Variants in PLCG2 observed in about 807,000 individuals in gnomAD.
The protein encoded by PLCG2 is 1-phosphatidylinositol 4,5-bisphosphate phosphodiesterase gamma-2.
A neutral mutation model predicts 175.6 loss-of-function variants in PLCG2; 69 were observed. That is an observed-to-expected ratio of 0.39 (90% CI 0.32 to 0.48). The LOEUF (loss-of-function observed/expected upper bound fraction) is 0.48, where lower values mean the gene tolerates loss of function less well. Among genes scored for constraint, PLCG2 ranks in the 20% least tolerant of loss-of-function variants. The pLI is 0.91. For synonymous variants in PLCG2, 827 were observed against 624.0 expected (o/e 1.33, Z -4.85); for missense variants, 1,798 against 1,650.9 (o/e 1.09, Z -1.54).
intron 2 of PLCG2, among the ~76,000 whole-genome samples, chr16:81,770,716 T>A (rs1242817119): frequency 6.6e-6 from 1 of 152,066 alleles, no homozygotes; most frequent in Non-Finnish European, 1.5e-5. Context: ...TGAGACCCTG[T>A]ATCAAAATAA....
At chr16:81,804,240 C>T in intron 2 of PLCG2, among the ~76,000 whole-genome samples, 1 of 152,214 alleles carries the variant, frequency 6.6e-6, no homozygotes, top group Non-Finnish European at 1.5e-5. Context: ...TGGTTATCAC[C>T]ATCCTAGTGG....
Position 81,889,964 on chromosome 16 carries a change from G to GT in PLCG2, c.867+700dup, listed in dbSNP as rs544507217. Among the ~76,000 whole-genome samples the GT allele has an allele frequency of 1.1e-4, 16 of 151,228 alleles. 1 individual carries two copies. Among genetic ancestry groups the GT allele is most frequent in the African/African-American group, 2.2e-4 (9 of 41,188 alleles). Reference sequence around the variant, plus strand: ...GCCACCGCACCTGGCGGAGGCTAGGGTTTTTTTTTAAAGATTGTTTGGCGG... The same window carrying GT: ...GCCACCGCACCTGGCGGAGGCTAGGGTTTTTTTTTTAAAGATTGTTTGGCGG... On this transcript the variant is annotated intron_variant, in intron 10 of 32. Transcript: ENST00000564138.
chr16:81,926,241 C>T (rs879076442), intron 22 of PLCG2, among the ~76,000 whole-genome samples: 3 of 152,112 alleles, frequency 2.0e-5, no homozygotes, highest in Non-Finnish European at 4.4e-5. Context: ...TGTGCTGGGC[C>T]GTGGCTGCCA....
intron 2 of PLCG2, among the ~76,000 whole-genome samples, chr16:81,833,619 T>G (rs1044943019): frequency 2.0e-5 from 3 of 150,670 alleles, no homozygotes; most frequent in Non-Finnish European, 1.5e-5. Context: ...ACCTTCCACC[T>G]CCTAGGATCA....
intron 2 of PLCG2, among the ~76,000 whole-genome samples, chr16:81,834,703 A>G (rs1253030170): frequency 6.6e-6 from 1 of 152,306 alleles, no homozygotes; most frequent in Admixed American, 6.5e-5. Context: ...AGATCTGAGC[A>G]GGGTGGGGAG....
At chr16:81,768,235 G>A (rs1413227253) in intron 2 of PLCG2, among the ~76,000 whole-genome samples, 1 of 152,210 alleles carries the variant, frequency 6.6e-6, no homozygotes, top group Non-Finnish European at 1.5e-5. Context: ...TTGGTCTTGT[G>A]TGTATCAATA....
intron 14 of PLCG2, among the ~76,000 whole-genome samples, chr16:81,901,482 C>T (rs574782510): frequency 4.6e-5 from 7 of 152,312 alleles, no homozygotes; most frequent in East Asian, 3.9e-4. Context: ...CCGGGGCCCC[C>T]GCATTCTGCT....
At chr16:81,905,262 G>T in intron 14 of PLCG2, 141 bp from the exon 15 acceptor site, 1 of 645,242 alleles carries the variant, frequency 1.5e-6, no homozygotes, top group South Asian at 1.8e-5. Flanking sequence ...GGGCAGAGCT[G>T]AACAGACTAA....
chr16:81,801,342 C>G (rs996706858), intron 2 of PLCG2, among the ~76,000 whole-genome samples: 2 of 152,108 alleles, frequency 1.3e-5, no homozygotes, highest in African/African-American at 4.8e-5. Context: ...AAATTTTCAT[C>G]CATGATTAAC....
chr16:81,891,332 G>A (rs1364053928), intron 10 of PLCG2, 140 bp from the exon 11 acceptor site: 1 of 651,794 alleles, frequency 1.5e-6, no homozygotes, highest in African/African-American at 1.8e-5. Context: ...TGAAAACGTG[G>A]GTAACTGAGG....
intron 2 of PLCG2, among the ~76,000 whole-genome samples, chr16:81,852,309 G>C (rs1244884675): frequency 6.6e-6 from 1 of 152,180 alleles, no homozygotes; most frequent in African/African-American, 2.4e-5. Flanking sequence ...CCCCGAACCA[G>C]TCACTGAGCC....
intron 5 of PLCG2, among the ~76,000 whole-genome samples, chr16:81,859,598 G>GCA (rs1906861532): frequency 6.6e-6 from 1 of 151,606 alleles, no homozygotes; most frequent in Non-Finnish European, 1.5e-5. Context: ...GCAGTGGCAT[G>GCA]ATCTCAGCTC....
intron 2 of PLCG2, among the ~76,000 whole-genome samples, chr16:81,808,549 G>T (rs975684402): frequency 3.9e-5 from 6 of 152,010 alleles, no homozygotes; most frequent in Non-Finnish European, 7.4e-5. Context: ...GCTGGAGTGC[G>T]GTGGCATGAT....
chr16:81,908,740 AGG>A, intron 17 of PLCG2, 149 bp downstream of exon 17: 1 of 658,180 alleles, frequency 1.5e-6, no homozygotes, highest in East Asian at 2.9e-5. Flanking sequence ...GGCCGGGACA[AGG>A]GTGAGGTGGG....
At chr16:81,847,790 A>G (rs1279443436) in intron 2 of PLCG2, among the ~76,000 whole-genome samples, 1 of 152,214 alleles carries the variant, frequency 6.6e-6, no homozygotes, top group East Asian at 1.9e-4. Flanking sequence ...AAAGTAATCT[A>G]GGGATTTAAG....
At chr16:81,768,552 GTTTTTTTTTTTTTTT>G (rs769292122) in intron 2 of PLCG2, among the ~76,000 whole-genome samples, 2 of 105,420 alleles carry the variant, frequency 1.9e-5, no homozygotes, top group South Asian at 3.1e-4. Flanking sequence ...GTTATCCTCA[GTTTTTTTTTTTTTTT>G]TTTTTTTTTT....
intron 30 of PLCG2, 110 bp downstream of exon 30, chr16:81,940,169 A>G: frequency 1.0e-6 from 1 of 964,934 alleles, no homozygotes; most frequent in Non-Finnish European, 1.6e-6. Flanking sequence ...GGATGGAATC[A>G]CTGTAAAACC....
intron 2 of PLCG2, among the ~76,000 whole-genome samples, chr16:81,805,039 G>A (rs1911930560): frequency 6.6e-6 from 1 of 152,080 alleles, no homozygotes; most frequent in Non-Finnish European, 1.5e-5. Context: ...TTTGCCCAAG[G>A]TTACCAAAGT....
chr16:81,763,368 A>G (rs191831289), intron 2 of PLCG2, among the ~76,000 whole-genome samples: 157 of 152,334 alleles, frequency 1.0e-3, no homozygotes, highest in African/African-American at 3.6e-3. Context: ...TGGGTCGGGT[A>G]TTTGGGAGTG....
Sources: gnomAD v4.1 joint callset for allele counts (sites outside exome capture counted in the v4.1 genomes callset) on GRCh38, gnomAD v4.1.1 for gene constraint, MANE v1.5 for transcripts, NCBI Gene and HGNC (gene_info 2026-07-23, HGNC 2026-07-21) for gene names.